The following PACS2 variants were observed in gnomAD, a reference collection of about 807,000 sequenced individuals.
PACS2 encodes the protein phosphofurin acidic cluster sorting protein 2.
In PACS2, 36 loss-of-function variants were observed where a neutral mutation model predicts 113.0. That is an observed-to-expected ratio of 0.32 (90% confidence interval 0.24 to 0.42). PACS2 has a LOEUF of 0.42. Ranked by LOEUF, PACS2 falls within the 10% of genes least tolerant of loss-of-function variation. The pLI, the probability that PACS2 is intolerant of heterozygous loss-of-function variation, is 1.00. For synonymous variants in PACS2, 589 were observed against 536.1 expected, an observed-to-expected ratio of 1.10 and a Z score of -1.36; for missense variants, 1,015 against 1,239.5, an observed-to-expected ratio of 0.82 and a Z score of 2.72.
chr14:105,384,536 C>T, intron 17 of PACS2, 73 bp downstream of exon 17: 1 of 910,128 alleles, frequency 1.1e-6, no homozygotes, highest in Admixed American at 2.0e-5. Context: ...GATGCTGTGC[C>T]CAGGAGGCCC....
At chr14:105,343,638 T>G (rs1329189961) in intron 1 of PACS2, among the ~76,000 whole-genome samples, 2 of 152,334 alleles carry the variant, frequency 1.3e-5, no homozygotes, top group African/African-American at 4.8e-5. Context: ...CATCTTTTCA[T>G]GTGCTTATTT....
chr14:105,311,960 G>A (rs748551019), upstream of PACS2, among the ~76,000 whole-genome samples: 31 of 152,356 alleles, frequency 2.0e-4, no homozygotes, highest in Non-Finnish European at 4.0e-4. Flanking sequence ...ACCTGGCCAC[G>A]TGGGGCTGCT....
At chr14:105,344,544 G>T (rs1555402234) in intron 1 of PACS2, among the ~76,000 whole-genome samples, 1 of 152,164 alleles carries the variant, frequency 6.6e-6, no homozygotes, top group Non-Finnish European at 1.5e-5. Context: ...TATCAAAGTA[G>T]TCAAATTTTT....
intron 24 of PACS2, chr14:105,393,567 G>GT: frequency 2.3e-6 from 1 of 435,592 alleles, no homozygotes; most frequent in African/African-American, 2.1e-5. Flanking sequence ...GACTTGTTTC[G>GT]TTTTTCTTGT....
At chr14:105,364,701 T>C (rs1252023973) in intron 4 of PACS2, among the ~76,000 whole-genome samples, 1 of 148,062 alleles carries the variant, frequency 6.8e-6, no homozygotes, top group African/African-American at 2.5e-5. Context: ...TTTTCTTTTT[T>C]TTTTTTTTTT....
At chr14:105,336,029 C>T (rs2059504585) in intron 1 of PACS2, among the ~76,000 whole-genome samples, 1 of 152,212 alleles carries the variant, frequency 6.6e-6, no homozygotes, top group Non-Finnish European at 1.5e-5. Flanking sequence ...TTCCTCTGCC[C>T]AGGGGCAGCA....
upstream of PACS2, among the ~76,000 whole-genome samples, chr14:105,310,313 G>C (rs587751964): frequency 2.2e-4 from 33 of 151,282 alleles, no homozygotes; most frequent in South Asian, 6.7e-3. Context: ...GGCGGATCAT[G>C]AGGTCAGGAG....
In PACS2 at chr14:105,393,295, GCTCATCTGCA is replaced by G; in HGVS notation, c.2559_2568del (p.Ile854ProfsTer33). On this transcript the variant is annotated frameshift_variant, in exon 24 of 25. Coordinates refer to ENST00000447393, the MANE Select transcript of PACS2 (RefSeq NM_001100913.3). LOFTEE classifies it high-confidence loss of function. ...GCCAGTGCATTGAGGGCATCAGCCG[GCTCATCTGCA>G]CTGCCAGGCAGCAGCAGAACATGCT... 6.2e-7 allele frequency: 1 copy of G among 1,612,436 alleles called. No individual in the cohort carries two copies. The highest frequency in any genetic ancestry group is 8.5e-7 in the Non-Finnish European group (1 of 1,179,916).
chr14:105,359,717 G>A (rs1306407013), intron 4 of PACS2, among the ~76,000 whole-genome samples: 5 of 148,476 alleles, frequency 3.4e-5, no homozygotes, highest in South Asian at 2.1e-4. Flanking sequence ...TCAGCCTCCC[G>A]AGTAGCTGGG....
At chr14:105,308,174 C>A (rs1048411963) in intron 1 of PACS2, among the ~76,000 whole-genome samples, 3 of 150,936 alleles carry the variant, frequency 2.0e-5, no homozygotes, top group African/African-American at 7.3e-5. Flanking sequence ...TAGAGTGAGA[C>A]TCTGTCCCCC....
At chr14:105,384,718 C>T (rs1331653643) in intron 17 of PACS2, among the ~76,000 whole-genome samples, 161 bp from the exon 18 acceptor site, 1 of 152,192 alleles carries the variant, frequency 6.6e-6, no homozygotes, top group Non-Finnish European at 1.5e-5. Flanking sequence ...CTGGTACTGC[C>T]TCGAGAGTAG....
intron 14 of PACS2, 79 bp downstream of exon 14, chr14:105,382,660 G>C: frequency 1.0e-6 from 1 of 1,000,072 alleles, no homozygotes; most frequent in Non-Finnish European, 1.6e-6. Flanking sequence ...CCCCCTACCC[G>C]GCACACCTGG....
intron 20 of PACS2, 186 bp from the exon 21 acceptor site, chr14:105,391,021 A>G (rs2141300249): frequency 1.6e-6 from 1 of 618,284 alleles, no homozygotes; most frequent in Non-Finnish European, 2.9e-6. Flanking sequence ...CTGTCCCCAC[A>G]TGGCTGCTCT....
intron 1 of PACS2, among the ~76,000 whole-genome samples, chr14:105,334,594 C>T (rs1268396348): frequency 6.6e-6 from 1 of 152,114 alleles, no homozygotes; most frequent in Non-Finnish European, 1.5e-5. Flanking sequence ...CGTAGAGCTC[C>T]ACCTGAGGCC....
intron 4 of PACS2, among the ~76,000 whole-genome samples, chr14:105,361,114 T>C (rs1158568954): frequency 2.6e-5 from 4 of 152,160 alleles, no homozygotes; most frequent in Admixed American, 6.5e-5. Context: ...CACGAGAGAG[T>C]TGGAATCCAC....
At chr14:105,335,906 C>A (rs777567071) in intron 1 of PACS2, among the ~76,000 whole-genome samples, 1 of 152,242 alleles carries the variant, frequency 6.6e-6, no homozygotes, top group Non-Finnish European at 1.5e-5. Flanking sequence ...GTGGAACTCT[C>A]TCCATGAGGA....
chr14:105,333,074 G>A (rs115853116), intron 1 of PACS2, among the ~76,000 whole-genome samples: 2,076 of 151,910 alleles, frequency 0.014, 60 homozygotes, highest in African/African-American at 0.049. Context: ...CTGGGCCCAT[G>A]TAGACCAACT....
intron 4 of PACS2, among the ~76,000 whole-genome samples, chr14:105,359,240 A>G (rs1712520821): frequency 6.6e-6 from 1 of 151,132 alleles, no homozygotes; most frequent in East Asian, 1.9e-4. Flanking sequence ...AGGCTCTGCC[A>G]TCGTCAGTGC....
At position 105,387,783 on chromosome 14, in the gene PACS2, C is replaced by T. The variant is rs587626594; in HGVS notation, c.2033+2066C>T. Among the ~76,000 whole-genome samples, 10 of 152,330 alleles carry T rather than the reference C, an allele frequency of 6.6e-5. No homozygotes were observed. The East Asian group carries it at 9.6e-4, about 15-fold the overall frequency. ...GGAGGCCAGCCTGCCATGGCTGGCT[C>T]GGTGGGGGGGTCTGGCTCGGCAGAG... On this transcript the variant is annotated intron_variant, in intron 19 of 24. Coordinates refer to ENST00000447393, the MANE Select transcript of PACS2 (RefSeq NM_001100913.3).
Sources: allele counts gnomAD v4.1 joint callset (sites outside exome capture counted in the v4.1 genomes callset), GRCh38; gene constraint gnomAD v4.1.1; transcripts MANE v1.5; gene names NCBI Gene and HGNC (gene_info 2026-07-23, HGNC 2026-07-21).